ERBB4: variants seen among roughly 807,000 people sequenced by gnomAD.
The protein encoded by ERBB4 is receptor tyrosine-protein kinase erbB-4.
ERBB4 carries 42 observed loss-of-function variants against 158.0 expected under a neutral mutation model. The ratio of observed to expected loss-of-function variants is 0.27; its 90% CI spans 0.21 to 0.34. ERBB4 has a LOEUF of 0.34. Among genes scored for constraint, ERBB4 ranks in the 10% least tolerant of loss-of-function variants. The pLI, the probability that ERBB4 is intolerant of heterozygous loss-of-function variation, is 1.00. For synonymous variants in ERBB4, 583 were observed against 558.7 expected, an observed-to-expected ratio of 1.04 and a Z score of -0.61; for missense variants, 1,333 against 1,624.1, an observed-to-expected ratio of 0.82 and a Z score of 3.08.
At chr2:211,458,441 T>C (rs1314421502) in intron 20 of ERBB4, among the ~76,000 whole-genome samples, 1 of 152,052 alleles carries the variant, frequency 6.6e-6, no homozygotes, top group Non-Finnish European at 1.5e-5. Context: ...TAATTTTTTG[T>C]ATTTTAGTAG....
intron 2 of ERBB4, among the ~76,000 whole-genome samples, chr2:211,968,145 C>A (rs2081354072): frequency 6.6e-6 from 1 of 151,882 alleles, no homozygotes; most frequent in African/African-American, 2.4e-5. Context: ...TGGGCTTTTC[C>A]CTTCAAACTG....
chr2:212,133,658 A>AT (rs1411278212), intron 1 of ERBB4, among the ~76,000 whole-genome samples: 1 of 151,704 alleles, frequency 6.6e-6, no homozygotes, highest in East Asian at 1.9e-4. Flanking sequence ...AAAAAAAAAA[A>AT]AGGTAAAGAA....
At chr2:212,404,758 C>A (rs1310508311) in intron 1 of ERBB4, among the ~76,000 whole-genome samples, 1 of 151,898 alleles carries the variant, frequency 6.6e-6, no homozygotes, top group Non-Finnish European at 1.5e-5. Flanking sequence ...AGGTGTTAAG[C>A]CCAGTACCTA....
intron 3 of ERBB4, among the ~76,000 whole-genome samples, chr2:211,861,886 A>T (rs1559587351): frequency 6.6e-6 from 1 of 151,990 alleles, no homozygotes; most frequent in African/African-American, 2.4e-5. Context: ...TGAAATGCTA[A>T]TTTTTTCACT....
intron 5 of ERBB4, among the ~76,000 whole-genome samples, chr2:211,732,509 C>T (rs1477505148): frequency 2.0e-5 from 3 of 152,140 alleles, no homozygotes; most frequent in Non-Finnish European, 2.9e-5. Flanking sequence ...GTGATAGCTA[C>T]TCTAAATAAA....
chr2:212,011,716 C>A (rs1158753247), intron 2 of ERBB4, among the ~76,000 whole-genome samples: 1 of 150,742 alleles, frequency 6.6e-6, no homozygotes, highest in Non-Finnish European at 1.5e-5. Context: ...CACCACTGCA[C>A]TCCAGCCTGG....
chr2:212,142,445 G>A (rs2080512611), intron 1 of ERBB4, among the ~76,000 whole-genome samples: 1 of 151,502 alleles, frequency 6.6e-6, no homozygotes, highest in Non-Finnish European at 1.5e-5. Context: ...TAACCCAAAT[G>A]TTATTTCTGA....
intron 16 of ERBB4, among the ~76,000 whole-genome samples, chr2:211,655,601 T>C (rs1288518685): frequency 6.6e-6 from 1 of 152,192 alleles, no homozygotes; most frequent in Non-Finnish European, 1.5e-5. Flanking sequence ...ACTAGTCCAC[T>C]GGAATAACTA....
intron 4 of ERBB4, chr2:211,778,319 A>G (rs1340237316): frequency 6.6e-6 from 1 of 152,098 alleles, no homozygotes; most frequent in African/African-American, 2.4e-5. Flanking sequence ...GGAACACTGT[A>G]CCTGTTATTC....
At chr2:211,984,881 C>A (rs2081898356) in intron 2 of ERBB4, among the ~76,000 whole-genome samples, 3 of 152,022 alleles carry the variant, frequency 2.0e-5, no homozygotes, top group Admixed American at 1.3e-4. Context: ...CACCGCCATG[C>A]CCAGCTAATT....
At chr2:212,374,261 A>T (rs1196773001) in intron 1 of ERBB4, among the ~76,000 whole-genome samples, 5 of 151,488 alleles carry the variant, frequency 3.3e-5, no homozygotes, top group Non-Finnish European at 5.9e-5. Flanking sequence ...TGGCTAAAAC[A>T]TTTCAAAGAC....
chr2:211,857,159 T>TTGTG lies in ERBB4; in HGVS notation c.422-69004_422-69001dup, dbSNP rs144521308. On this transcript the variant is annotated intron_variant, in intron 3 of 27. Coordinates refer to ENST00000342788, the MANE Select transcript of ERBB4 (RefSeq NM_005235.3). The stretch of plus-strand genomic sequence containing the variant: ...ACTCTGTGTATATCTCTGTGTGTGT[T>TTGTG]TGTGTGTGTGTGTGTGTTTGTGTGT... Among the ~76,000 whole-genome samples the TTGTG allele has an allele frequency of 5.9e-4, 63 of 107,120 alleles. 1 individual carries two copies. In the South Asian group the frequency reaches 0.023, roughly 39 times the overall value. The allele number at this position is 107,120 out of a possible 152,430, so 70.3% of individuals were successfully genotyped here.
At chr2:211,477,644 G>C (rs1211756078) in intron 20 of ERBB4, among the ~76,000 whole-genome samples, 2 of 152,068 alleles carry the variant, frequency 1.3e-5, no homozygotes, top group Non-Finnish European at 2.9e-5. Flanking sequence ...TTCTAGATCT[G>C]TGTTAGATTT....
chr2:212,428,539 T>C (rs1016128519), intron 1 of ERBB4, among the ~76,000 whole-genome samples: 5 of 152,050 alleles, frequency 3.3e-5, no homozygotes, highest in African/African-American at 9.7e-5. Context: ...AAATGGCTAA[T>C]CAATGAGCAT....
At chr2:211,716,557 TC>T (rs372640871) in intron 7 of ERBB4, among the ~76,000 whole-genome samples, 12,396 of 151,414 alleles carry the variant, frequency 0.082, 574 homozygotes, top group Non-Finnish European at 0.1. Context: ...GCGCCTGTAG[TC>T]CCAGCTACTC....
chr2:212,236,439 T>C (rs1279656651), intron 1 of ERBB4, among the ~76,000 whole-genome samples: 1 of 152,184 alleles, frequency 6.6e-6, no homozygotes, highest in South Asian at 2.1e-4. Flanking sequence ...TCTTTTGTGG[T>C]GTCTCTGCCA....
In ERBB4 at chr2:212,215,206, T is replaced by C. The variant is rs528682629; in HGVS notation, c.83-90303A>G. Among the ~76,000 whole-genome samples, 7 of 151,640 alleles carry C rather than the reference T, an allele frequency of 4.6e-5. No individual in the cohort carries two copies. The East Asian group carries it at 1.4e-3, about 29-fold the overall frequency. On this transcript the variant is annotated intron_variant, in intron 1 of 27. Transcript: ENST00000342788. ...ATTCACAGCATTTTATGCTTAGGAT[T>C]TGAACAATCTTCTGTCCATATGTAG...
chr2:211,399,147 C>CAA (rs1283182264), intron 25 of ERBB4, among the ~76,000 whole-genome samples: 1 of 152,114 alleles, frequency 6.6e-6, no homozygotes, highest in Non-Finnish European at 1.5e-5. Flanking sequence ...ATTATTGATT[C>CAA]AAAAAGTATT....
chr2:212,348,790 C>A (rs1358397245), intron 1 of ERBB4, among the ~76,000 whole-genome samples: 7 of 152,024 alleles, frequency 4.6e-5, no homozygotes, highest in African/African-American at 7.2e-5. Flanking sequence ...TAAGCAAAAC[C>A]TGCTTTTAAA....
Sources: gnomAD v4.1 joint callset for allele counts (sites outside exome capture counted in the v4.1 genomes callset) on GRCh38, gnomAD v4.1.1 for gene constraint, MANE v1.5 for transcripts, NCBI Gene and HGNC (gene_info 2026-07-23, HGNC 2026-07-21) for gene names.